SNTG1: variants seen among roughly 807,000 people sequenced by gnomAD.
The protein encoded by SNTG1 is gamma-1-syntrophin.
SNTG1 carries 39 observed loss-of-function variants against 74.7 expected under a neutral mutation model. The observed-to-expected ratio is 0.52, with a 90% CI of 0.40 to 0.68. SNTG1 has a LOEUF of 0.68. Ranked by LOEUF, SNTG1 falls within the 30% of genes least tolerant of loss-of-function variation. The pLI is 0.00. For missense variants in SNTG1, 685 were observed against 609.5 expected (o/e 1.12, Z -1.30); for synonymous variants, 254 against 217.1 (o/e 1.17, Z -1.49).
At position 49,946,729 on chromosome 8, in the gene SNTG1, A is replaced by G. The variant is rs374381914; in HGVS notation, c.-103+34498A>G. 4.6e-5 allele frequency among the ~76,000 whole-genome samples: 7 copies of G among 152,274 alleles called. No homozygotes were observed. The East Asian group carries it at 1.4e-3, about 29-fold the overall frequency. On this transcript the variant is annotated intron_variant, in intron 1 of 18. Transcript: ENST00000642720. ...AATCTGGTTAATTTTATGAAAATCAACCATTACACGATATTCTTGTTCCTT... is the reference window on the plus strand; with the variant it reads ...AATCTGGTTAATTTTATGAAAATCAGCCATTACACGATATTCTTGTTCCTT...
intron 10 of SNTG1, among the ~76,000 whole-genome samples, chr8:50,532,079 T>C (rs968075646): frequency 8.5e-5 from 13 of 152,202 alleles, no homozygotes; most frequent in African/African-American, 4.8e-5. Flanking sequence ...GCAACTGTTA[T>C]AAATTCTTCT....
In SNTG1 at chr8:50,699,511, G is replaced by GA. The variant is rs796705619; in HGVS notation, c.1039-5080dup. On this transcript the variant is annotated intron_variant, in intron 15 of 18. Transcript: ENST00000642720. ...GGAAAAGCATCTAGTCAGCCATCTTGAAAAAAAAACCTGTTGTTTCTTTGT... is the reference window on the plus strand; with the variant it reads ...GGAAAAGCATCTAGTCAGCCATCTTGAAAAAAAAAACCTGTTGTTTCTTTGT... Among the ~76,000 whole-genome samples the GA allele has an allele frequency of 3.3e-3, 496 of 150,222 alleles. 5 individuals carry two copies. The highest frequency in any genetic ancestry group is 0.011 in the African/African-American group (464 of 40,976).
chr8:50,274,782 C>T (rs2087999284), intron 2 of SNTG1, among the ~76,000 whole-genome samples: 1 of 152,140 alleles, frequency 6.6e-6, no homozygotes, highest in South Asian at 2.1e-4. Context: ...ATTTTCTCAA[C>T]CAAATTTCTG....
In SNTG1 at chr8:50,078,715, C is replaced by A. The variant is rs371166214; in HGVS notation, c.-102-93846C>A. Reference sequence around the variant, plus strand: ...GTCCTAATGCTCTCCTTTCTCTAGCCCCCCAACCCTCGACAGGCCCCAGCG... The same window carrying A: ...GTCCTAATGCTCTCCTTTCTCTAGCACCCCAACCCTCGACAGGCCCCAGCG... On this transcript the variant is annotated intron_variant, in intron 1 of 18. Coordinates refer to ENST00000642720, the MANE Select transcript of SNTG1 (RefSeq NM_018967.5). 5.3e-5 allele frequency among the ~76,000 whole-genome samples: 8 copies of A among 152,172 alleles called. No homozygotes were observed. In the East Asian group the frequency reaches 9.7e-4, roughly 18 times the overall value.
chr8:49,983,900 G>A lies in SNTG1; in HGVS notation c.-103+71669G>A, dbSNP rs571347841. ...TTCATTCCCAGTGAGATGAATGGGG[G>A]GTACTGTTATCCTGTGGCCTTGGTA... On this transcript the variant is annotated intron_variant, in intron 1 of 18. Transcript: ENST00000642720. Among the ~76,000 whole-genome samples, 13 of 152,320 alleles carry A rather than the reference G, an allele frequency of 8.5e-5. No homozygotes were observed. In the South Asian group the frequency reaches 2.5e-3, roughly 29 times the overall value.
At chr8:50,721,605 A>C (rs906243690) in intron 17 of SNTG1, among the ~76,000 whole-genome samples, 14 of 152,204 alleles carry the variant, frequency 9.2e-5, no homozygotes, top group African/African-American at 3.4e-4. Context: ...ATTTATAATC[A>C]TGTTCAATAA....
intron 2 of SNTG1, among the ~76,000 whole-genome samples, chr8:50,305,818 T>A (rs2089867101): frequency 6.6e-6 from 1 of 151,842 alleles, no homozygotes; most frequent in African/African-American, 2.4e-5. Flanking sequence ...AATTTCAGAG[T>A]CTCAGTAACC....
intron 1 of SNTG1, among the ~76,000 whole-genome samples, chr8:50,088,261 A>G (rs1586213322): frequency 6.6e-6 from 1 of 150,776 alleles, no homozygotes; most frequent in African/African-American, 2.4e-5. Flanking sequence ...ATTTCAAAAT[A>G]ATAAGAGCTA....
chr8:50,173,498 CAAT>C (rs1253439988), intron 2 of SNTG1, among the ~76,000 whole-genome samples: 1 of 151,988 alleles, frequency 6.6e-6, no homozygotes, highest in Admixed American at 6.6e-5. Context: ...TTTATGTACT[CAAT>C]TATACTTAAA....
At position 50,256,173 on chromosome 8, in the gene SNTG1, T is replaced by A. The variant is rs561095700; in HGVS notation, c.-28+83538T>A. On this transcript the variant is annotated intron_variant, in intron 2 of 18. Transcript: ENST00000642720. Reference sequence around the variant, plus strand: ...TCCATGTGTCTTTTTGTTTATACATTCCCATTTTGCTATATATTGTGAGTA... The same window carrying A: ...TCCATGTGTCTTTTTGTTTATACATACCCATTTTGCTATATATTGTGAGTA... Among the ~76,000 whole-genome samples, 241 of 147,596 alleles carry A rather than the reference T, an allele frequency of 1.6e-3. 2 individuals carry two copies. The highest frequency in any genetic ancestry group is 5.6e-3 in the African/African-American group (230 of 41,334).
intron 1 of SNTG1, among the ~76,000 whole-genome samples, chr8:49,947,815 T>G (rs1809338639): frequency 6.6e-6 from 1 of 152,162 alleles, no homozygotes; most frequent in Non-Finnish European, 1.5e-5. Context: ...TTGACTCTAT[T>G]AAGGCTCTGT....
At chr8:50,246,940 C>T (rs1230427141) in intron 2 of SNTG1, among the ~76,000 whole-genome samples, 1 of 152,180 alleles carries the variant, frequency 6.6e-6, no homozygotes, top group East Asian at 1.9e-4. Context: ...GCAAATGCTT[C>T]AGGATCTTGA....
chr8:49,946,294 A>G (rs1809179650), intron 1 of SNTG1, among the ~76,000 whole-genome samples: 1 of 152,198 alleles, frequency 6.6e-6, no homozygotes. Flanking sequence ...AAAGTCCGTT[A>G]CTATAACTGG....
At chr8:50,197,414 AT>A (rs950424946) in intron 2 of SNTG1, among the ~76,000 whole-genome samples, 143 of 152,144 alleles carry the variant, frequency 9.4e-4, no homozygotes, top group African/African-American at 3.4e-3. Context: ...TTTGCTCAGC[AT>A]TTTTTTAAAA....
intron 2 of SNTG1, among the ~76,000 whole-genome samples, chr8:50,261,965 T>C (rs1352693441): frequency 1.3e-5 from 2 of 152,136 alleles, no homozygotes; most frequent in Non-Finnish European, 2.9e-5. Flanking sequence ...TATGCACCTA[T>C]TAAAATATAG....
At chr8:50,153,202 A>G (rs1398969872) in intron 1 of SNTG1, among the ~76,000 whole-genome samples, 1 of 152,104 alleles carries the variant, frequency 6.6e-6, no homozygotes, top group Admixed American at 6.5e-5. Context: ...CGAATTGGCT[A>G]CTGAAGCTTG....
At chr8:50,567,457 T>G (rs1359692997) in intron 12 of SNTG1, among the ~76,000 whole-genome samples, 1 of 152,136 alleles carries the variant, frequency 6.6e-6, no homozygotes, top group Non-Finnish European at 1.5e-5. Flanking sequence ...TTTTGTTACT[T>G]TGAAACATAT....
At chr8:49,955,384 C>T (rs577661363) in intron 1 of SNTG1, among the ~76,000 whole-genome samples, 1 of 152,310 alleles carries the variant, frequency 6.6e-6, no homozygotes, top group Non-Finnish European at 1.5e-5. Context: ...ATAAGGAGCT[C>T]AGCACGCACA....
intron 15 of SNTG1, among the ~76,000 whole-genome samples, chr8:50,698,824 G>A (rs967376239): frequency 3.9e-5 from 6 of 152,056 alleles, no homozygotes; most frequent in Non-Finnish European, 8.8e-5. Flanking sequence ...GTGCTCTACC[G>A]TGGCCTGAAT....
Sources: allele counts gnomAD v4.1 joint callset (sites outside exome capture counted in the v4.1 genomes callset), GRCh38; gene constraint gnomAD v4.1.1; transcripts MANE v1.5; gene names NCBI Gene and HGNC (gene_info 2026-07-23, HGNC 2026-07-21).